The following ABHD6 variants were observed in gnomAD, a reference collection of about 807,000 sequenced individuals.
ABHD6 encodes monoacylglycerol lipase ABHD6.
ABHD6 carries 33 observed loss-of-function variants against 38.8 expected under a neutral mutation model. The ratio of observed to expected loss-of-function variants is 0.85; its 90% CI spans 0.64 to 1.14. The LOEUF is 1.14. Among genes scored for constraint, ABHD6 ranks in the 50% most tolerant of loss-of-function variants. ABHD6 has a pLI of 0.00. For missense variants in ABHD6, 380 were observed against 422.6 expected, an observed-to-expected ratio of 0.90 and a Z score of 0.88; for synonymous variants, 147 against 161.6, an observed-to-expected ratio of 0.91 and a Z score of 0.69.
Position 58,269,489 on chromosome 3 carries a change from G to A in ABHD6, c.390+55G>A. 7.3e-7 allele frequency: 1 copy of A among 1,374,976 alleles called. No individual in the cohort carries two copies. The highest frequency in any genetic ancestry group is 1.0e-6 in the Non-Finnish European group (1 of 971,718). The allele number at this position is 1,374,976 out of a possible 1,614,324, so 85.2% of individuals were successfully genotyped here. ...CAGACTGTCTCAGCCACCATTACAT[G>A]TCTGAGTCTGGAGAGCAGGGAAGGG... On this transcript the variant is annotated intron_variant, in intron 5 of 9. Coordinates refer to ENST00000478253, the MANE Select transcript of ABHD6 (RefSeq NM_001320126.2). This position sits in a 1 kb window ranked among gnomAD's most constrained non-coding sequence, Gnocchi z 4.4.
Position 58,267,071 on chromosome 3 carries a change from T to C in ABHD6, c.120-118T>C. 8.9e-7 allele frequency: 1 copy of C among 1,122,024 alleles called. No individual in the cohort carries two copies. The highest frequency in any genetic ancestry group is 1.3e-6 in the Non-Finnish European group (1 of 778,196). 69.5% of individuals were successfully genotyped at this position (1,122,024 alleles called of 1,614,324 possible). On this transcript the variant is annotated intron_variant, in intron 3 of 9. Transcript: ENST00000478253. This position sits in a 1 kb window ranked among gnomAD's most constrained non-coding sequence, Gnocchi z 4.3. ...CTAGAGACTGATGGAGGACAAGGGC[T>C]GGAGAAGTGTTTGTGTTATCACTAA... is the stretch of plus-strand genomic sequence containing the variant.
chr3:58,245,803 GGA>G (rs2097425958), intron 1 of ABHD6, among the ~76,000 whole-genome samples: 1 of 133,298 alleles, frequency 7.5e-6, no homozygotes, highest in African/African-American at 3.0e-5. Flanking sequence ...AAAGAAGGAA[GGA>G]GAGAGAAGAA....
chr3:58,244,580 CAT>C (rs1392474823), intron 1 of ABHD6, among the ~76,000 whole-genome samples: 1 of 152,004 alleles, frequency 6.6e-6, no homozygotes, highest in Non-Finnish European at 1.5e-5. Context: ...GCCTGGGTAA[CAT>C]AGAGAGACCC....
Position 58,274,754 on chromosome 3 carries a change from C to G in ABHD6, c.620C>G (p.Pro207Arg), listed in dbSNP as rs367601823. ...AAGATTCCCTTGATCCCGTCTACCC[C>G]AGAAGAGATGAGTGAAATGCTTCAG... ...VEKIPLIPST[P>R]EEMSEMLQLC... The change falls in exon 7 of 10, where the codon CCA (proline) becomes CGA (arginine). Residue 207 changes from proline to arginine, a missense_variant. Coordinates refer to ENST00000478253, the MANE Select transcript of ABHD6 (RefSeq NM_001320126.2). The G allele has an allele frequency of 6.2e-7, 1 of 1,614,272 alleles. No individual in the cohort carries two copies. The highest frequency in any genetic ancestry group is 8.5e-7 in the Non-Finnish European group (1 of 1,180,056).
At chr3:58,261,188 T>C (rs2097436697) in intron 3 of ABHD6, among the ~76,000 whole-genome samples, 1 of 152,002 alleles carries the variant, frequency 6.6e-6, no homozygotes, top group African/African-American at 2.4e-5. Flanking sequence ...GAAATAATAG[T>C]GAACAGTTCA....
chr3:58,240,461 G>C (rs916692163), intron 1 of ABHD6, among the ~76,000 whole-genome samples: 2 of 152,100 alleles, frequency 1.3e-5, no homozygotes, highest in African/African-American at 4.8e-5. Context: ...CAAAAGAAAA[G>C]AGGCAAGACA....
At chr3:58,286,853 T>TATATATATATATAC (rs2097457614) in intron 9 of ABHD6, among the ~76,000 whole-genome samples, 3 of 66,318 alleles carry the variant, frequency 4.5e-5, no homozygotes, top group African/African-American at 1.4e-4. Context: ...TGTGTGTGTG[T>TATATATATATATAC]ATATATATAT....
chr3:58,241,292 G>A (rs757224811), intron 1 of ABHD6, among the ~76,000 whole-genome samples: 9 of 152,204 alleles, frequency 5.9e-5, no homozygotes, highest in East Asian at 3.9e-4. Flanking sequence ...CTCCTAAACC[G>A]GACCCTCAGA....
intron 3 of ABHD6, chr3:58,258,403 C>A: frequency 2.3e-6 from 1 of 435,016 alleles, no homozygotes; most frequent in Non-Finnish European, 4.7e-6. Context: ...TGTTACAAAG[C>A]ATGAGCAGCG....
Position 58,293,332 on chromosome 3 carries a change from G to A in ABHD6, c.838-257G>A, listed in dbSNP as rs2097464682. Among the ~76,000 whole-genome samples, 1 of 152,152 alleles carries A rather than the reference G, an allele frequency of 6.6e-6. No homozygotes were observed. The highest frequency in any genetic ancestry group is 2.4e-5 in the African/African-American group (1 of 41,410). On this transcript the variant is annotated intron_variant, in intron 9 of 9. Coordinates refer to ENST00000478253, the MANE Select transcript of ABHD6 (RefSeq NM_001320126.2). This position sits in a 1 kb window ranked among gnomAD's most constrained non-coding sequence, Gnocchi z 4.4. Reference sequence around the variant, plus strand: ...ATACCATAACCTCCTCAAGGGCAAGGAACGTTTGTTTTCTACCTCAGTATT... The same window carrying A: ...ATACCATAACCTCCTCAAGGGCAAGAAACGTTTGTTTTCTACCTCAGTATT...
At position 58,293,151 on chromosome 3, in the gene ABHD6, T is replaced by C. The variant is rs929391101; in HGVS notation, c.838-438T>C. Reference sequence around the variant, plus strand: ...GTGCTTGGTGTCTCAGCCGCCGTGCTCCTTGGTGGCCCCTGCACTCGCCAT... The same window carrying C: ...GTGCTTGGTGTCTCAGCCGCCGTGCCCCTTGGTGGCCCCTGCACTCGCCAT... On this transcript the variant is annotated intron_variant, in intron 9 of 9. Transcript: ENST00000478253. This position sits in a 1 kb window ranked among gnomAD's most constrained non-coding sequence, Gnocchi z 4.4. 2.2e-4 allele frequency among the ~76,000 whole-genome samples: 34 copies of C among 151,980 alleles called. No individual in the cohort carries two copies. Among genetic ancestry groups the C allele is most frequent in the Admixed American group, 3.3e-4 (5 of 15,258 alleles).
At position 58,265,781 on chromosome 3, in the gene ABHD6, G is replaced by A. The variant is rs1230965711; in HGVS notation, c.120-1408G>A. ...AAGGGCCTTCCTGCTGTGTCATCCC[G>A]TGGTGGAAGGTAGAAGGACAAGAGA... On this transcript the variant is annotated intron_variant, in intron 3 of 9. Transcript: ENST00000478253. The surrounding 1 kb of genome is among the most constrained non-coding windows in gnomAD (Gnocchi z 4.2). Among the ~76,000 whole-genome samples, 2 of 152,210 alleles carry A rather than the reference G, an allele frequency of 1.3e-5. No homozygotes were observed. Among genetic ancestry groups the A allele is most frequent in the East Asian group, 1.9e-4 (1 of 5,200 alleles).
At chr3:58,291,358 G>C (rs1229796983) in intron 9 of ABHD6, among the ~76,000 whole-genome samples, 2 of 152,038 alleles carry the variant, frequency 1.3e-5, no homozygotes, top group East Asian at 3.9e-4. Context: ...GGCATCAGAG[G>C]GAGACCCTGG....
chr3:58,290,734 C>G (rs1433132450), intron 9 of ABHD6, among the ~76,000 whole-genome samples: 1 of 151,550 alleles, frequency 6.6e-6, no homozygotes, highest in Admixed American at 6.6e-5. Flanking sequence ...TCCTCACATC[C>G]CAGACGGGCC....
intron 9 of ABHD6, among the ~76,000 whole-genome samples, chr3:58,289,986 G>A (rs1458554297): frequency 2.1e-5 from 3 of 140,698 alleles, no homozygotes; most frequent in Non-Finnish European, 3.1e-5. Flanking sequence ...CTGGCCGGGC[G>A]GGGGGCTGAC....
rs2097438803 is a variant in ABHD6, at chr3:58,263,782, T to C, written c.120-3407T>C. Among the ~76,000 whole-genome samples, 1 of 152,088 alleles carries C rather than the reference T, an allele frequency of 6.6e-6. No individual in the cohort carries two copies. The highest frequency in any genetic ancestry group is 2.1e-4 in the South Asian group (1 of 4,824). On this transcript the variant is annotated intron_variant, in intron 3 of 9. Transcript: ENST00000478253. This position sits in a 1 kb window ranked among gnomAD's most constrained non-coding sequence, Gnocchi z 4.9. ...ATGAGAGTTATAGAGAATTTGATGA[T>C]TATAAAAACGTAACCCATTCGAGCC...
chr3:58,249,084 TA>T (rs2097428312), intron 1 of ABHD6, among the ~76,000 whole-genome samples: 1 of 152,218 alleles, frequency 6.6e-6, no homozygotes, highest in Non-Finnish European at 1.5e-5. Flanking sequence ...CTTTATACAT[TA>T]AGGAAATTAC....
rs1546607 is a variant in ABHD6, at chr3:58,259,896, T to C, written c.119+3191T>C. Among the ~76,000 whole-genome samples, 27,426 of 152,170 alleles carry C rather than the reference T, an allele frequency of 0.18. 4,227 individuals carry two copies. Among genetic ancestry groups the C allele is most frequent in the East Asian group, 0.79 (4,070 of 5,158 alleles). On this transcript the variant is annotated intron_variant, in intron 3 of 9. Transcript: ENST00000478253. This position sits in a 1 kb window ranked among gnomAD's most constrained non-coding sequence, Gnocchi z 4.7. ...ACCACTCATCTACTTCCTGTCTTTT[T>C]AGATGTGCCCATTACGGACATTTCA...
chr3:58,270,862 C>A, intron 5 of ABHD6, 70 bp from the exon 6 acceptor site: 1 of 1,487,498 alleles, frequency 6.7e-7, no homozygotes, highest in Non-Finnish European at 9.0e-7. Context: ...CAGGGGGCTT[C>A]TATGCTGTAG....
Sources: allele counts gnomAD v4.1 joint callset (sites outside exome capture counted in the v4.1 genomes callset), GRCh38; gene constraint gnomAD v4.1.1; non-coding constraint Gnocchi (gnomAD v3.1); transcripts MANE v1.5; gene names NCBI Gene and HGNC (gene_info 2026-07-23, HGNC 2026-07-21).